SLC4A4: variants seen among roughly 807,000 people sequenced by gnomAD.
SLC4A4 encodes electrogenic sodium bicarbonate cotransporter 1.
Under a neutral mutation model 111.5 loss-of-function variants are expected in SLC4A4, and 27 were observed. That is an observed-to-expected ratio of 0.24 (90% CI 0.18 to 0.33). The LOEUF (loss-of-function observed/expected upper bound fraction) is 0.33. Ranked by LOEUF, SLC4A4 falls within the 10% of genes least tolerant of loss-of-function variation. The pLI, the probability that SLC4A4 is intolerant of heterozygous loss-of-function variation, is 1.00. For missense variants in SLC4A4, 909 were observed against 1,315.5 expected, an observed-to-expected ratio of 0.69 and a Z score of 4.78; for synonymous variants, 443 against 463.4, an observed-to-expected ratio of 0.96 and a Z score of 0.57.
chr4:71,168,250 C>T (rs925161868), intron 2 of SLC4A4, among the ~76,000 whole-genome samples: 9 of 141,674 alleles, frequency 6.4e-5, no homozygotes, highest in African/African-American at 1.4e-4. Flanking sequence ...GGTGCAATCT[C>T]GGTTCACCGT....
At chr4:71,326,163 C>T (rs1727487368) in intron 3 of SLC4A4, among the ~76,000 whole-genome samples, 1 of 151,816 alleles carries the variant, frequency 6.6e-6, no homozygotes, top group Non-Finnish European at 1.5e-5. Flanking sequence ...AGCACATAAG[C>T]TTTGCCTGAG....
At chr4:71,075,553 T>G (rs951993247) in intron 1 of SLC4A4, among the ~76,000 whole-genome samples, 3 of 152,170 alleles carry the variant, frequency 2.0e-5, no homozygotes, top group African/African-American at 7.2e-5. Flanking sequence ...CCCACTGTTG[T>G]CCCAGGAACT....
intron 1 of SLC4A4, among the ~76,000 whole-genome samples, chr4:71,086,535 G>A (rs1352405434): frequency 2.6e-5 from 4 of 152,012 alleles, no homozygotes; most frequent in African/African-American, 9.7e-5. Context: ...GATATTGGCT[G>A]TGGGTTTATC....
intron 1 of SLC4A4, among the ~76,000 whole-genome samples, chr4:71,078,594 A>AC (rs1741911075): frequency 1.3e-5 from 2 of 152,162 alleles, no homozygotes; most frequent in South Asian, 4.1e-4. Flanking sequence ...GAAAAAATAA[A>AC]CACATTGAGT....
At chr4:71,244,267 A>G (rs1720468694) in intron 2 of SLC4A4, among the ~76,000 whole-genome samples, 2 of 152,078 alleles carry the variant, frequency 1.3e-5, no homozygotes, top group Non-Finnish European at 2.9e-5. Context: ...TAGTCTCAGG[A>G]CCTTTTTCTG....
intron 3 of SLC4A4, among the ~76,000 whole-genome samples, chr4:71,259,356 C>T (rs758367639): frequency 1.4e-4 from 21 of 152,052 alleles, no homozygotes; most frequent in Non-Finnish European, 2.6e-4. Flanking sequence ...GAGCTAGCTT[C>T]GTATCCCCCT....
chr4:71,413,996 C>T (rs1027535598), intron 7 of SLC4A4, among the ~76,000 whole-genome samples: 6 of 152,174 alleles, frequency 3.9e-5, no homozygotes, highest in Non-Finnish European at 7.3e-5. Context: ...AGTAACAGAG[C>T]TGTGGCCATT....
At chr4:71,166,604 T>C (rs1171504461) in intron 2 of SLC4A4, among the ~76,000 whole-genome samples, 1 of 152,236 alleles carries the variant, frequency 6.6e-6, no homozygotes, top group Non-Finnish European at 1.5e-5. Context: ...AAACTGCTTA[T>C]GGAATGTAAA....
chr4:71,193,536 T>C (rs1016368731), intron 1 of SLC4A4, among the ~76,000 whole-genome samples: 1 of 152,220 alleles, frequency 6.6e-6, no homozygotes, highest in South Asian at 2.1e-4. Flanking sequence ...TCCTTCAGAA[T>C]TGGTGCTAAT....
chr4:71,409,914 G>A lies in SLC4A4; in HGVS notation c.807+12261G>A, dbSNP rs185994887. Among the ~76,000 whole-genome samples, 46 of 152,346 alleles carry A rather than the reference G, an allele frequency of 3.0e-4. No individual in the cohort carries two copies. The South Asian group carries it at 5.6e-3, about 19-fold the overall frequency. The stretch of plus-strand genomic sequence containing the variant: ...CAGATGCTCCAGCTGTGGCTGAAAG[G>A]GGCCAATGTAGAGCTCAGGCTGTGG... On this transcript the variant is annotated intron_variant, in intron 7 of 25. Coordinates refer to ENST00000264485, the MANE Select transcript of SLC4A4 (RefSeq NM_001098484.3).
chr4:71,234,016 G>A (rs1218859138), intron 1 of SLC4A4, among the ~76,000 whole-genome samples: 3 of 152,090 alleles, frequency 2.0e-5, no homozygotes. Context: ...TTCTGTTCCT[G>A]CAACATCCTA....
chr4:71,211,817 A>G (rs1340200861), intron 1 of SLC4A4, among the ~76,000 whole-genome samples: 1 of 141,160 alleles, frequency 7.1e-6, no homozygotes, highest in Non-Finnish European at 1.5e-5. Context: ...ATAATGCTTT[A>G]TGGAGCTTAT....
intron 2 of SLC4A4, among the ~76,000 whole-genome samples, chr4:71,245,379 G>A (rs1720579495): frequency 6.6e-6 from 1 of 152,188 alleles, no homozygotes; most frequent in African/African-American, 2.4e-5. Flanking sequence ...AGAGGGCAAA[G>A]ACAGAAGTGT....
intron 2 of SLC4A4, among the ~76,000 whole-genome samples, chr4:71,181,585 A>G (rs893804971): frequency 2.0e-5 from 3 of 152,206 alleles, no homozygotes; most frequent in African/African-American, 7.2e-5. Flanking sequence ...ATCTGTCTTA[A>G]TAGAAATATA....
At position 71,546,489 on chromosome 4, in the gene SLC4A4, C is replaced by A. The variant is rs760825786; in HGVS notation, c.2582C>A (p.Thr861Asn). ...GACAGTTTGAAGATGGAGACAGAGA[C>A]TTCTGCACCTGGAGAACAACCAAAG... is the stretch of plus-strand genomic sequence containing the variant. ...HIDSLKMETE[T>N]SAPGEQPKFL... The change falls in exon 19 of 26, where the codon ACT becomes AAT. Residue 861 changes from threonine to asparagine, a missense_variant. Physicochemically the swap from Thr to Asn is moderately conservative, Grantham distance 65. Around this residue, in one of 7 missense-constraint regions of SLC4A4, gnomAD observed 104 missense variants for 219.5 expected, o/e 0.47. Transcript: ENST00000264485. 5 of 1,612,618 alleles carry A rather than the reference C, an allele frequency of 3.1e-6. No individual in the cohort carries two copies. Among genetic ancestry groups the A allele is most frequent in the Admixed American group, 1.7e-5 (1 of 59,850 alleles).
chr4:71,347,422 A>T (rs1186230380), intron 4 of SLC4A4, among the ~76,000 whole-genome samples: 2 of 152,290 alleles, frequency 1.3e-5, no homozygotes, highest in East Asian at 3.9e-4. Context: ...GTCCAAGATC[A>T]AGACATTGTC....
intron 14 of SLC4A4, among the ~76,000 whole-genome samples, chr4:71,479,787 T>C (rs763862567): frequency 5.3e-5 from 8 of 151,766 alleles, no homozygotes; most frequent in Non-Finnish European, 1.2e-4. Flanking sequence ...AGACCCATCA[T>C]TTTAGTTTGC....
chr4:71,116,575 A>T (rs1409584944), intron 2 of SLC4A4, among the ~76,000 whole-genome samples: 2 of 152,220 alleles, frequency 1.3e-5, no homozygotes, highest in Non-Finnish European at 2.9e-5. Context: ...GAAGGTAGAC[A>T]ATAGCTGGTT....
intron 9 of SLC4A4, 64 bp downstream of exon 9, chr4:71,447,797 G>A: frequency 2.0e-6 from 2 of 1,022,156 alleles, no homozygotes; most frequent in Non-Finnish European, 1.5e-6. Flanking sequence ...ACTGTGAATT[G>A]GCTGTCACAA....
Sources: allele counts gnomAD v4.1 joint callset (sites outside exome capture counted in the v4.1 genomes callset), GRCh38; gene constraint gnomAD v4.1.1; regional missense constraint gnomAD v4.1.1; transcripts MANE v1.5; gene names NCBI Gene and HGNC (gene_info 2026-07-23, HGNC 2026-07-21).